Variants in PPP1R9A observed in about 807,000 individuals in gnomAD.
PPP1R9A encodes the protein neurabin-1.
In PPP1R9A, 59 loss-of-function variants were observed where a neutral mutation model predicts 141.9. The ratio of observed to expected loss-of-function variants is 0.42; its 90% confidence interval spans 0.34 to 0.52. The LOEUF (loss-of-function observed/expected upper bound fraction) is 0.52, where lower values mean the gene tolerates loss of function less well. Ranked by LOEUF, PPP1R9A falls within the 20% of genes least tolerant of loss-of-function variation. PPP1R9A has a pLI of 0.10. For missense variants in PPP1R9A, 1,444 were observed against 1,611.9 expected (o/e 0.90, Z 1.78); for synonymous variants, 500 against 569.7 (o/e 0.88, Z 1.74).
intron 6 of PPP1R9A, among the ~76,000 whole-genome samples, chr7:95,199,019 G>A (rs960947104): frequency 6.6e-6 from 1 of 152,126 alleles, no homozygotes; most frequent in African/African-American, 2.4e-5. Flanking sequence ...ACATAATGCA[G>A]AACAAAGCTT....
chr7:95,002,256 T>A (rs1343767480), intron 2 of PPP1R9A, among the ~76,000 whole-genome samples: 1 of 152,200 alleles, frequency 6.6e-6, no homozygotes, highest in Admixed American at 6.5e-5. Flanking sequence ...TGTAATATTA[T>A]AGATTAGGAT....
At chr7:95,090,537 G>A (rs552838035) in intron 2 of PPP1R9A, among the ~76,000 whole-genome samples, 2 of 152,020 alleles carry the variant, frequency 1.3e-5, no homozygotes, top group South Asian at 4.1e-4. Context: ...AGCCAGGCAC[G>A]ATGGCTCAAG....
chr7:95,033,487 T>C (rs1808000269), intron 2 of PPP1R9A, among the ~76,000 whole-genome samples: 1 of 152,178 alleles, frequency 6.6e-6, no homozygotes, highest in Non-Finnish European at 1.5e-5. Flanking sequence ...CACTCTTCAT[T>C]ATGTTTTCTG....
rs1186934021 is a variant in PPP1R9A, at chr7:95,111,480, A to T, written c.1528+89A>T. 7.2e-6 allele frequency: 9 copies of T among 1,245,482 alleles called. No individual in the cohort carries two copies. The East Asian group carries it at 2.3e-4, about 31-fold the overall frequency. The allele number at this position is 1,245,482 out of a possible 1,614,324, so 77.2% of individuals were successfully genotyped here. A position where few individuals can be genotyped will look rare whatever the true frequency, so the allele number is the denominator to read the frequency against. ...CCAAAATGTAGCCTTTTTTCTAAGG[A>T]TTGGATAAAATTTTAATTCTAACAG... On this transcript the variant is annotated intron_variant, in intron 3 of 19. Coordinates refer to ENST00000433360, the MANE Select transcript of PPP1R9A (RefSeq NM_001166160.2).
intron 2 of PPP1R9A, among the ~76,000 whole-genome samples, chr7:94,934,352 A>G (rs1284838161): frequency 6.6e-6 from 1 of 152,152 alleles, no homozygotes; most frequent in East Asian, 1.9e-4. Flanking sequence ...TGCTTTGAAC[A>G]TTTTGTCCTT....
At chr7:95,225,300 G>A (rs1794986009) in intron 7 of PPP1R9A, among the ~76,000 whole-genome samples, 2 of 152,116 alleles carry the variant, frequency 1.3e-5, no homozygotes, top group Non-Finnish European at 2.9e-5. Flanking sequence ...CTTTCTCAAG[G>A]AAAGCTGGAA....
intron 2 of PPP1R9A, among the ~76,000 whole-genome samples, chr7:94,984,274 A>G (rs537133680): frequency 6.6e-6 from 1 of 152,028 alleles, no homozygotes; most frequent in Non-Finnish European, 1.5e-5. Flanking sequence ...TTCGTCAGGG[A>G]TATTGGTCTA....
intron 2 of PPP1R9A, among the ~76,000 whole-genome samples, chr7:94,921,559 A>G (rs183790104): frequency 2.3e-4 from 35 of 152,266 alleles, no homozygotes; most frequent in Non-Finnish European, 1.0e-4. Flanking sequence ...AGGAAGAGAA[A>G]GACATAAATT....
At chr7:95,164,741 CT>C (rs200177321) in intron 5 of PPP1R9A, among the ~76,000 whole-genome samples, 7,178 of 66,396 alleles carry the variant, frequency 0.11, 261 homozygotes, top group East Asian at 0.15. Flanking sequence ...CTTTTCTTTT[CT>C]TTTTTTTTTT....
intron 7 of PPP1R9A, among the ~76,000 whole-genome samples, chr7:95,223,233 G>T (rs1360231919): frequency 6.6e-6 from 1 of 151,920 alleles, no homozygotes. Flanking sequence ...TTGGGTATTG[G>T]GAAGGAGAGG....
At chr7:95,191,346 T>C (rs1258064422) in intron 5 of PPP1R9A, among the ~76,000 whole-genome samples, 1 of 152,206 alleles carries the variant, frequency 6.6e-6, no homozygotes, top group African/African-American at 2.4e-5. Flanking sequence ...AAAATTTTAA[T>C]TGACATAATG....
intron 2 of PPP1R9A, among the ~76,000 whole-genome samples, chr7:95,061,243 G>A (rs752427627): frequency 2.0e-5 from 3 of 152,174 alleles, no homozygotes; most frequent in Admixed American, 6.6e-5. Flanking sequence ...TCACCCATAT[G>A]AAGTTCTCTA....
At chr7:95,058,536 A>G (rs1207145426) in intron 2 of PPP1R9A, among the ~76,000 whole-genome samples, 1 of 152,178 alleles carries the variant, frequency 6.6e-6, no homozygotes, top group Non-Finnish European at 1.5e-5. Context: ...AAAGGGTCTG[A>G]AAGGGAGATT....
intron 2 of PPP1R9A, among the ~76,000 whole-genome samples, chr7:95,097,737 C>T (rs547140470): frequency 6.6e-6 from 1 of 152,290 alleles, no homozygotes; most frequent in East Asian, 1.9e-4. Context: ...TTCACAACCT[C>T]CTTAGGTCAC....
Position 94,939,121 on chromosome 7 carries a change from A to G in PPP1R9A, c.1395+27613A>G, listed in dbSNP as rs543592500. ...AGGATGATGGATTTGGAACAAGAAG[A>G]TCTGGGTTTGAGACTCAGCTCTGGT... On this transcript the variant is annotated intron_variant, in intron 2 of 19. Coordinates refer to ENST00000433360, the MANE Select transcript of PPP1R9A (RefSeq NM_001166160.2). Among the ~76,000 whole-genome samples the G allele has an allele frequency of 1.9e-3, 292 of 152,258 alleles. 2 individuals are homozygous for G. The highest frequency in any genetic ancestry group is 6.6e-3 in the African/African-American group (274 of 41,558).
intron 5 of PPP1R9A, among the ~76,000 whole-genome samples, chr7:95,190,652 C>T (rs1424529365): frequency 1.3e-5 from 2 of 152,224 alleles, no homozygotes; most frequent in African/African-American, 4.8e-5. Flanking sequence ...GTTGGTCGGC[C>T]TCCATCCAGG....
At chr7:94,919,253 C>T (rs1482475109) in intron 2 of PPP1R9A, among the ~76,000 whole-genome samples, 5 of 151,974 alleles carry the variant, frequency 3.3e-5, no homozygotes, top group Non-Finnish European at 5.9e-5. Context: ...CCCCAGCCTC[C>T]CAAGTAGCTG....
chr7:95,190,649 G>T (rs1009369506), intron 5 of PPP1R9A, among the ~76,000 whole-genome samples: 1 of 152,178 alleles, frequency 6.6e-6, no homozygotes, highest in African/African-American at 2.4e-5. Flanking sequence ...TAAGTTGGTC[G>T]GCCTCCATCC....
In PPP1R9A at chr7:95,082,763, TTTC is replaced by T. The variant is rs374845579; in HGVS notation, c.1396-28493_1396-28491del. Among the ~76,000 whole-genome samples the T allele has an allele frequency of 8.5e-4, 78 of 91,492 alleles. 1 individual carries two copies. The highest frequency in any genetic ancestry group is 5.7e-3 in the Middle Eastern group (1 of 174). The allele number at this position is 91,492 out of a possible 152,430, so 60.0% of individuals were successfully genotyped here. ...GAAAAAAAGTGTAGGGTGGAAGGGATTTCTTTTTTTTTTTTTTTTTTTTTTTGA... is the reference window on the plus strand; with the variant it reads ...GAAAAAAAGTGTAGGGTGGAAGGGATTTTTTTTTTTTTTTTTTTTTTTTGA... On this transcript the variant is annotated intron_variant, in intron 2 of 19. Transcript: ENST00000433360.
Sources: allele counts gnomAD v4.1 joint callset (sites outside exome capture counted in the v4.1 genomes callset), GRCh38; gene constraint gnomAD v4.1.1; transcripts MANE v1.5; gene names NCBI Gene and HGNC (gene_info 2026-07-23, HGNC 2026-07-21).